Variants in MACROD2 observed in about 807,000 individuals in gnomAD.
MACROD2 encodes the protein mono-ADP ribosylhydrolase 2, also known as ADP-ribose glycohydrolase MACROD2.
Under a neutral mutation model 70.4 loss-of-function variants are expected in MACROD2, and 36 were observed. The ratio of observed to expected loss-of-function variants is 0.51; its 90% CI spans 0.39 to 0.68. The LOEUF (loss-of-function observed/expected upper bound fraction) is 0.68, where lower values mean the gene tolerates loss of function less well. Among genes scored for constraint, MACROD2 ranks in the 30% least tolerant of loss-of-function variants. The pLI is 0.00. For missense variants in MACROD2, 496 were observed against 538.4 expected, an observed-to-expected ratio of 0.92 and a Z score of 0.78; for synonymous variants, 172 against 178.8, an observed-to-expected ratio of 0.96 and a Z score of 0.30.
chr20:15,908,129 T>G (rs546412070), intron 10 of MACROD2, among the ~76,000 whole-genome samples: 158 of 152,342 alleles, frequency 1.0e-3, no homozygotes, highest in African/African-American at 3.5e-3. Context: ...CTGTGTTTTT[T>G]GTTTTTTTCC....
intron 6 of MACROD2, among the ~76,000 whole-genome samples, chr20:15,345,285 T>C (rs1195117795): frequency 3.3e-5 from 5 of 152,216 alleles, no homozygotes; most frequent in South Asian, 2.1e-4. Context: ...TCATTTAATA[T>C]GGGTTTACTA....
At chr20:14,674,807 G>T (rs1270132180) in intron 4 of MACROD2, among the ~76,000 whole-genome samples, 1 of 152,182 alleles carries the variant, frequency 6.6e-6, no homozygotes, top group African/African-American at 2.4e-5. Context: ...GATTTTTAAA[G>T]AACCCTGTTG....
intron 6 of MACROD2, among the ~76,000 whole-genome samples, chr20:15,351,424 A>G (rs1425655650): frequency 6.6e-6 from 1 of 152,194 alleles, no homozygotes; most frequent in Non-Finnish European, 1.5e-5. Flanking sequence ...TGAATATTAA[A>G]TGAATGAGAA....
intron 3 of MACROD2, among the ~76,000 whole-genome samples, chr20:14,486,536 TGAGACAGAGTTTCA>T (rs2084734570): frequency 6.7e-6 from 1 of 148,656 alleles, no homozygotes; most frequent in Non-Finnish European, 1.5e-5. Context: ...TTTTTTTTTT[TGAGACAGAGTTTCA>T]TTCTTGTCGC....
rs1771764228 is a variant in MACROD2, at chr20:14,862,654, T to TATATAA, written c.418+177696_418+177697insTATAAA. Among the ~76,000 whole-genome samples, 4 of 50,246 alleles carry TATATAA rather than the reference T, an allele frequency of 8.0e-5. 1 individual carries two copies. Among genetic ancestry groups the TATATAA allele is most frequent in the Non-Finnish European group, 1.4e-4 (4 of 28,366 alleles). 33.0% of individuals were successfully genotyped at this position (50,246 alleles called of 152,430 possible). ...AAATATATATATAAATATATATATA[T>TATATAA]AAATATATATATAAATATATATAAA... is the stretch of plus-strand genomic sequence containing the variant. On this transcript the variant is annotated intron_variant, in intron 5 of 17. Transcript: ENST00000684519.
chr20:14,456,756 A>G (rs1432069397), intron 3 of MACROD2, among the ~76,000 whole-genome samples: 2 of 118,462 alleles, frequency 1.7e-5, no homozygotes, highest in African/African-American at 6.5e-5. Context: ...TCTCTCTGTC[A>G]CCCAGGCTGG....
In MACROD2 at chr20:14,790,589, G is replaced by A. The variant is rs549668304; in HGVS notation, c.418+105630G>A. ...CTTTTCAGGGATTAATTAAGGGGCTGTGAATAGTGTAGGCTAGACATAATT... is the reference window on the plus strand; with the variant it reads ...CTTTTCAGGGATTAATTAAGGGGCTATGAATAGTGTAGGCTAGACATAATT... On this transcript the variant is annotated intron_variant, in intron 5 of 17. Transcript: ENST00000684519. 1.6e-3 allele frequency among the ~76,000 whole-genome samples: 247 copies of A among 152,240 alleles called. 2 individuals are homozygous for A. Among genetic ancestry groups the A allele is most frequent in the Non-Finnish European group, 2.7e-3 (181 of 68,034 alleles).
At chr20:14,446,774 A>G (rs1358575209) in intron 3 of MACROD2, among the ~76,000 whole-genome samples, 1 of 152,026 alleles carries the variant, frequency 6.6e-6, no homozygotes, top group Non-Finnish European at 1.5e-5. Context: ...TTCACCAAAC[A>G]CTCCAAGTGA....
intron 6 of MACROD2, among the ~76,000 whole-genome samples, chr20:15,381,634 C>G (rs1166300325): frequency 6.6e-6 from 1 of 152,044 alleles, no homozygotes; most frequent in East Asian, 1.9e-4. Flanking sequence ...CCACTGAACT[C>G]CAGCCTGGGT....
At chr20:14,199,320 AG>A (rs1289557698) in intron 3 of MACROD2, among the ~76,000 whole-genome samples, 2 of 152,232 alleles carry the variant, frequency 1.3e-5, no homozygotes, top group Admixed American at 6.5e-5. Context: ...GAGGGCAGCC[AG>A]CCAAGAGCTC....
intron 3 of MACROD2, among the ~76,000 whole-genome samples, chr20:14,344,826 T>A (rs1388042365): frequency 6.6e-6 from 1 of 152,228 alleles, no homozygotes; most frequent in East Asian, 1.9e-4. Flanking sequence ...GCTTTTTGGT[T>A]GTTTAATTCT....
rs539014594 is a variant in MACROD2 at position 15,315,915 on chromosome 20, TAAC to T, written c.540+85859_540+85861del. Among the ~76,000 whole-genome samples the T allele has an allele frequency of 6.6e-5, 10 of 152,108 alleles. No individual in the cohort carries two copies. The East Asian group carries it at 1.9e-3, about 29-fold the overall frequency. ...TGCATAAAGATGTAATTTGTAACAA[TAAC>T]AACATAAAGCAGGCAAAAGCTGCAT... On this transcript the variant is annotated intron_variant, in intron 6 of 17. Transcript: ENST00000684519.
At chr20:14,366,655 A>G (rs2083276238) in intron 3 of MACROD2, among the ~76,000 whole-genome samples, 2 of 152,046 alleles carry the variant, frequency 1.3e-5, no homozygotes, top group African/African-American at 4.8e-5. Flanking sequence ...ATGAGCCACC[A>G]CACCCGGCCA....
chr20:15,433,706 C>A, intron 7 of MACROD2, among the ~76,000 whole-genome samples: 1 of 149,358 alleles, frequency 6.7e-6, no homozygotes, highest in Non-Finnish European at 1.5e-5. Context: ...GCTGAAAATT[C>A]ATATGGAACC....
chr20:14,090,612 T>C (rs745446552), intron 3 of MACROD2, among the ~76,000 whole-genome samples: 3 of 151,860 alleles, frequency 2.0e-5, no homozygotes, highest in Admixed American at 6.6e-5. Context: ...GCCACCTTTG[T>C]ATTTATATCC....
At chr20:14,738,571 T>C (rs2071695795) in intron 5 of MACROD2, among the ~76,000 whole-genome samples, 1 of 152,112 alleles carries the variant, frequency 6.6e-6, no homozygotes, top group Non-Finnish European at 1.5e-5. Flanking sequence ...GAACAGTACT[T>C]AGCAAACATA....
At chr20:14,045,883 G>C (rs1205759059) in intron 2 of MACROD2, among the ~76,000 whole-genome samples, 5 of 152,136 alleles carry the variant, frequency 3.3e-5, no homozygotes, top group East Asian at 1.9e-4. Context: ...TAATGACCTT[G>C]AAAAATATTA....
chr20:14,846,666 C>T (rs377050367), intron 5 of MACROD2, among the ~76,000 whole-genome samples: 4 of 151,918 alleles, frequency 2.6e-5, no homozygotes, highest in Non-Finnish European at 4.4e-5. Context: ...CACAGGCGCC[C>T]GCCACCACGC....
intron 5 of MACROD2, among the ~76,000 whole-genome samples, chr20:14,844,156 T>C (rs1194441965): frequency 6.6e-6 from 1 of 152,036 alleles, no homozygotes; most frequent in Non-Finnish European, 1.5e-5. Context: ...TGCCATGGCC[T>C]GAGGGTCTCA....
Sources: gnomAD v4.1 joint callset for allele counts (sites outside exome capture counted in the v4.1 genomes callset) on GRCh38, gnomAD v4.1.1 for gene constraint, MANE v1.5 for transcripts, NCBI Gene and HGNC (gene_info 2026-07-23, HGNC 2026-07-21) for gene names.